Variants in ORC2 observed in about 807,000 individuals in gnomAD.
ORC2 encodes the protein origin recognition complex protein 2 homolog.
In ORC2, 37 loss-of-function variants were observed where a neutral mutation model predicts 77.7. The observed-to-expected ratio is 0.48, with a 90% CI of 0.37 to 0.63. ORC2 has a LOEUF of 0.63. ORC2 is among the 20% of genes least tolerant of loss of function. The pLI is 0.00. For synonymous variants in ORC2, 201 were observed against 229.5 expected, an observed-to-expected ratio of 0.88 and a Z score of 1.12; for missense variants, 557 against 661.9, an observed-to-expected ratio of 0.84 and a Z score of 1.74.
In ORC2 at chr2:200,947,953, G is replaced by A. The variant is rs533823127; in HGVS notation, c.328+1601C>T. Among the ~76,000 whole-genome samples the A allele has an allele frequency of 2.4e-3, 363 of 151,826 alleles. 1 individual carries two copies. The highest frequency in any genetic ancestry group is 8.1e-3 in the African/African-American group (334 of 41,394). On this transcript the variant is annotated intron_variant, in intron 5 of 17. Transcript: ENST00000234296. ...AGACTGAGTCTCGCTCTGTCGCCCA[G>A]GCTGGAGTGCAGTGGCGCGATCTCG...
intron 5 of ORC2, among the ~76,000 whole-genome samples, chr2:200,947,495 G>T (rs2041271110): frequency 6.6e-6 from 1 of 152,122 alleles, no homozygotes. Flanking sequence ...ACAAACCACT[G>T]AAGAAATATC....
chr2:200,916,381 A>T (rs1198736876), intron 15 of ORC2, among the ~76,000 whole-genome samples: 1 of 152,060 alleles, frequency 6.6e-6, no homozygotes. Context: ...TACTTGTGGG[A>T]TGCTGAGGCA....
intron 8 of ORC2, 127 bp from the exon 9 acceptor site, chr2:200,936,019 G>T: frequency 3.2e-6 from 2 of 633,632 alleles, no homozygotes; most frequent in Admixed American, 3.3e-5. Flanking sequence ...ACCTGCTCAT[G>T]ATTTCACCAG....
In ORC2 at chr2:200,926,834, G is replaced by T; in HGVS notation, c.984C>A (p.Thr328=). 1 of 1,613,496 alleles carries T rather than the reference G, an allele frequency of 6.2e-7. No homozygotes were observed. The highest frequency in any genetic ancestry group is 8.5e-7 in the Non-Finnish European group (1 of 1,179,478). The part of the protein sequence containing the change: ...SKRDLLERFR[T]TMLQDSIHVV... ...CGTGAATGGAATCTTGCAGCATAGT[G>T]GTTCGAAACCTTTCTAGTAAATCTC... The change falls in exon 12 of 18, where the codon ACC becomes ACA. Residue 328 remains threonine, a synonymous_variant. Transcript: ENST00000234296.
chr2:200,949,420 A>T (rs2041310437), intron 5 of ORC2, 134 bp downstream of exon 5: 1 of 607,364 alleles, frequency 1.6e-6, no homozygotes, highest in East Asian at 3.1e-5. Flanking sequence ...GGAACGTCTC[A>T]TTATTCCCTA....
intron 15 of ORC2, among the ~76,000 whole-genome samples, chr2:200,916,593 A>G (rs2040657009): frequency 6.6e-6 from 1 of 152,240 alleles, no homozygotes; most frequent in South Asian, 2.1e-4. Context: ...GTCCTTCAGC[A>G]GTTAAGGACT....
At chr2:200,928,247 T>C (rs975928119) in intron 11 of ORC2, among the ~76,000 whole-genome samples, 4 of 151,680 alleles carry the variant, frequency 2.6e-5, no homozygotes, top group African/African-American at 9.7e-5. Context: ...TCCCAGCTAC[T>C]TGGGAGGCTG....
At chr2:200,926,289 T>C (rs1479747328) in intron 12 of ORC2, among the ~76,000 whole-genome samples, 1 of 152,140 alleles carries the variant, frequency 6.6e-6, no homozygotes. Context: ...AGGAATACTA[T>C]ATGGCTCAAT....
At chr2:200,933,522 A>AG (rs1463565632) in intron 10 of ORC2, among the ~76,000 whole-genome samples, 1 of 152,180 alleles carries the variant, frequency 6.6e-6, no homozygotes, top group African/African-American at 2.4e-5. Context: ...AACGAGTAAG[A>AG]GGGGAAAAAT....
chr2:200,963,463 A>C (rs2125048896), intron 1 of ORC2, 27 bp downstream of exon 1: 2 of 398,642 alleles, frequency 5.0e-6, no homozygotes, highest in Non-Finnish European at 8.8e-6. Flanking sequence ...AAAGGGAGGC[A>C]GGCTGCCCCG....
At chr2:200,930,464 G>A (rs2124972762) in intron 11 of ORC2, among the ~76,000 whole-genome samples, 1 of 151,778 alleles carries the variant, frequency 6.6e-6, no homozygotes, top group Admixed American at 6.6e-5. Context: ...GAGAGAAGCT[G>A]AGGTTCTTGC....
intron 2 of ORC2, 81 bp from the exon 3 acceptor site, chr2:200,958,214 A>C: frequency 1.3e-6 from 1 of 764,058 alleles, no homozygotes; most frequent in Non-Finnish European, 2.3e-6. Flanking sequence ...TAATGAATAC[A>C]TGTCTTTATC....
intron 11 of ORC2, among the ~76,000 whole-genome samples, chr2:200,928,213 G>A (rs1017780120): frequency 6.6e-6 from 1 of 151,850 alleles, no homozygotes; most frequent in Non-Finnish European, 1.5e-5. Flanking sequence ...AAAATTGGCT[G>A]GGCATGGTGG....
chr2:200,915,504 G>A lies in ORC2; in HGVS notation c.1467-1512C>T, dbSNP rs527560279. ...AACTCAGCACTAAATAAAACTGTAC[G>A]TATTTCTTTGTATTTTGAATTATTC... On this transcript the variant is annotated intron_variant, in intron 15 of 17. Transcript: ENST00000234296. Among the ~76,000 whole-genome samples the A allele has an allele frequency of 2.6e-5, 4 of 152,168 alleles. No homozygotes were observed. In the South Asian group the frequency reaches 8.3e-4, roughly 32 times the overall value.
chr2:200,929,384 A>AT (rs1241083004), intron 11 of ORC2, among the ~76,000 whole-genome samples: 1 of 152,242 alleles, frequency 6.6e-6, no homozygotes, highest in East Asian at 1.9e-4. Context: ...ACTGTGGAAG[A>AT]TTAACTTAGC....
At position 200,918,182 on chromosome 2, in the gene ORC2, C is replaced by G. The variant is rs184675181; in HGVS notation, c.1466+2040G>C. Among the ~76,000 whole-genome samples, 283 of 152,310 alleles carry G rather than the reference C, an allele frequency of 1.9e-3. 3 individuals carry two copies. Among genetic ancestry groups the G allele is most frequent in the African/African-American group, 6.4e-3 (267 of 41,564 alleles). On this transcript the variant is annotated intron_variant, in intron 15 of 17. Coordinates refer to ENST00000234296, the MANE Select transcript of ORC2 (RefSeq NM_006190.5). ...ACAATATATATCGTCACACTACTAT[C>G]ATCCCATATAAGTCAATATCCTGGC...
intron 5 of ORC2, among the ~76,000 whole-genome samples, chr2:200,948,521 TA>T (rs1443238905): frequency 6.6e-6 from 1 of 152,198 alleles, no homozygotes; most frequent in Non-Finnish European, 1.5e-5. Flanking sequence ...TTCTGTAATA[TA>T]AACAACATTT....
intron 4 of ORC2, among the ~76,000 whole-genome samples, chr2:200,956,493 T>A (rs570929693): frequency 4.0e-5 from 6 of 151,894 alleles, no homozygotes; most frequent in Admixed American, 1.3e-4. Flanking sequence ...TCCAGCTAAT[T>A]AAAAACTTTT....
In ORC2 at chr2:200,920,294, A is replaced by G; in HGVS notation, c.1394T>C (p.Leu465Pro). Residue 465 changes from leucine to proline, a missense_variant, in exon 15 of 18, where the codon CTG becomes CCG. Leu to Pro is a moderately conservative substitution (Grantham distance 98). Transcript: ENST00000234296. ...TGGCAGGGATCCAGACTGCTTTACC[A>G]GAAGAGAGTTCTCATAGGAGGTTTC... ...TEETSYENSL[L>P]VKQSGSLPLS... is the part of the protein sequence containing the mutation. 1 of 1,613,992 alleles carries G rather than the reference A, an allele frequency of 6.2e-7. No homozygotes were observed. The highest frequency in any genetic ancestry group is 8.5e-7 in the Non-Finnish European group (1 of 1,179,902).
Sources: gnomAD v4.1 joint callset for allele counts (sites outside exome capture counted in the v4.1 genomes callset) on GRCh38, gnomAD v4.1.1 for gene constraint, MANE v1.5 for transcripts, NCBI Gene and HGNC (gene_info 2026-07-23, HGNC 2026-07-21) for gene names.